The following DPYD variants were observed in gnomAD, a reference collection of about 807,000 sequenced individuals.
DPYD encodes dihydropyrimidine dehydrogenase.
A neutral mutation model predicts 116.2 loss-of-function variants in DPYD; 109 were observed. The ratio of observed to expected loss-of-function variants is 0.94; its 90% CI spans 0.80 to 1.10. DPYD has a LOEUF of 1.10. DPYD is among the 50% of genes least tolerant of loss of function. The probability of loss-of-function intolerance (pLI) is 0.00; values close to 1 mark genes in which losing one functional copy is unlikely to be tolerated. For synonymous variants in DPYD, 440 were observed against 432.0 expected (o/e 1.02, Z -0.23); for missense variants, 1,302 against 1,254.5 (o/e 1.04, Z -0.57).
intron 16 of DPYD, among the ~76,000 whole-genome samples, chr1:97,373,077 A>C (rs1671388098): frequency 6.6e-6 from 1 of 152,234 alleles, no homozygotes; most frequent in Admixed American, 6.5e-5. Flanking sequence ...GTATCCAAAA[A>C]TAAAAATAGC....
chr1:97,445,716 A>G (rs1438331551), intron 14 of DPYD, among the ~76,000 whole-genome samples: 1 of 138,394 alleles, frequency 7.2e-6, no homozygotes, highest in Non-Finnish European at 1.5e-5. Context: ...TAAATGTATA[A>G]ATTGTCTGAT....
At position 97,377,176 on chromosome 1, in the gene DPYD, A is replaced by AT. The variant is rs199763627; in HGVS notation, c.1975-3533dup. On this transcript the variant is annotated intron_variant, in intron 15 of 22. Coordinates refer to ENST00000370192, the MANE Select transcript of DPYD (RefSeq NM_000110.4). ...GCACAGAAGAGTTCTAGGGAGATGT[A>AT]TTTTTAAATGTTTCCAAGGCTAACA... Among the ~76,000 whole-genome samples, 1,300 of 152,108 alleles carry AT rather than the reference A, an allele frequency of 8.5e-3. 20 individuals are homozygous for AT. The highest frequency in any genetic ancestry group is 0.029 in the African/African-American group (1,221 of 41,522).
intron 16 of DPYD, among the ~76,000 whole-genome samples, chr1:97,333,516 G>GGTTTTTTTTTT (rs1669129675): frequency 9.4e-6 from 1 of 106,794 alleles, no homozygotes; most frequent in African/African-American, 4.1e-5. Flanking sequence ...TAAGTCTTAG[G>GGTTTTTTTTTT]ATTTTTTTTT....
At chr1:97,281,032 A>G (rs1665290639) in intron 18 of DPYD, among the ~76,000 whole-genome samples, 1 of 152,158 alleles carries the variant, frequency 6.6e-6, no homozygotes, top group Non-Finnish European at 1.5e-5. Flanking sequence ...TATAAATACA[A>G]CATTATTTTA....
intron 1 of DPYD, among the ~76,000 whole-genome samples, chr1:97,912,801 C>A (rs1046215149): frequency 6.6e-6 from 1 of 152,184 alleles, no homozygotes; most frequent in South Asian, 2.1e-4. Context: ...TGCCTTTCTT[C>A]TTTGAACTGT....
At chr1:97,464,603 G>T (rs1677207798) in intron 13 of DPYD, among the ~76,000 whole-genome samples, 1 of 152,216 alleles carries the variant, frequency 6.6e-6, no homozygotes, top group African/African-American at 2.4e-5. Flanking sequence ...CCAAGGAACA[G>T]CTCAGGCTGT....
rs141776434 is a variant in DPYD, at chr1:97,082,265, G to A, written c.2907+65C>T. 293 of 1,594,188 alleles carry A rather than the reference G, an allele frequency of 1.8e-4. 1 individual carries two copies. In the East Asian group the frequency reaches 4.5e-3, roughly 24 times the overall value. Reference sequence around the variant, plus strand: ...AATTTCACACATAGCAACAGAAAATGCTTTCTGCCGTAAAAACAAGAAGAA... The same window carrying A: ...AATTTCACACATAGCAACAGAAAATACTTTCTGCCGTAAAAACAAGAAGAA... On this transcript the variant is annotated intron_variant, in intron 22 of 22. Transcript: ENST00000370192.
chr1:97,546,691 T>C (rs1473073848), intron 12 of DPYD: 2 of 1,612,918 alleles, frequency 1.2e-6, no homozygotes, highest in Admixed American at 3.3e-5. Flanking sequence ...ATATCATGTG[T>C]GTACACTAAA....
chr1:97,778,493 C>A (rs1666549457), intron 3 of DPYD, among the ~76,000 whole-genome samples: 1 of 152,078 alleles, frequency 6.6e-6, no homozygotes, highest in Non-Finnish European at 1.5e-5. Flanking sequence ...AGCTTAAATT[C>A]TATTACTTCT....
intron 19 of DPYD, among the ~76,000 whole-genome samples, chr1:97,234,446 G>T (rs1310657231): frequency 6.6e-6 from 1 of 152,076 alleles, no homozygotes; most frequent in Admixed American, 6.6e-5. Flanking sequence ...TTCTTTGGCT[G>T]CCAGGAATCT....
chr1:97,432,145 T>C (rs1322234013), intron 14 of DPYD, among the ~76,000 whole-genome samples: 2 of 152,172 alleles, frequency 1.3e-5, no homozygotes, highest in Non-Finnish European at 2.9e-5. Flanking sequence ...ATATTGGCTA[T>C]TGTGAATAGT....
chr1:97,920,650 C>T (rs922358541), intron 1 of DPYD, among the ~76,000 whole-genome samples: 8 of 152,176 alleles, frequency 5.3e-5, no homozygotes, highest in African/African-American at 1.9e-4. Flanking sequence ...AAACAGGTCC[C>T]GACGCAAAGG....
intron 18 of DPYD, among the ~76,000 whole-genome samples, chr1:97,293,398 C>T (rs1666332894): frequency 6.6e-6 from 1 of 152,120 alleles, no homozygotes; most frequent in African/African-American, 2.4e-5. Context: ...TCCCATATAC[C>T]TGGATACCAG....
intron 14 of DPYD, among the ~76,000 whole-genome samples, chr1:97,433,389 A>T (rs1416612235): frequency 6.6e-6 from 1 of 152,106 alleles, no homozygotes; most frequent in African/African-American, 2.4e-5. Flanking sequence ...AGTTCTTTAC[A>T]ATTTTAACTG....
chr1:97,894,219 T>A (rs1414795587), intron 1 of DPYD, among the ~76,000 whole-genome samples: 2 of 151,796 alleles, frequency 1.3e-5, no homozygotes, highest in African/African-American at 4.8e-5. Flanking sequence ...AGGATGAGAA[T>A]GAGAGAAAGC....
At chr1:97,748,030 G>A (rs945767490) in intron 3 of DPYD, among the ~76,000 whole-genome samples, 3 of 152,048 alleles carry the variant, frequency 2.0e-5, no homozygotes, top group African/African-American at 7.2e-5. Context: ...CTTCTTTAAT[G>A]TGGAAGGAAT....
intron 1 of DPYD, among the ~76,000 whole-genome samples, chr1:97,920,302 T>C (rs1168231030): frequency 6.6e-6 from 1 of 152,132 alleles, no homozygotes. Flanking sequence ...ACAGTTAGTT[T>C]TTCTGAGGGC....
At chr1:97,641,638 A>G (rs942497341) in intron 8 of DPYD, among the ~76,000 whole-genome samples, 1 of 152,226 alleles carries the variant, frequency 6.6e-6, no homozygotes, top group Non-Finnish European at 1.5e-5. Context: ...CCTACAGTCA[A>G]TATCACACTG....
intron 2 of DPYD, among the ~76,000 whole-genome samples, chr1:97,866,778 A>G (rs1277635927): frequency 6.6e-6 from 1 of 151,954 alleles, no homozygotes; most frequent in Non-Finnish European, 1.5e-5. Flanking sequence ...CTGAGTAGCT[A>G]GCATGTGATG....
Sources: gnomAD v4.1 joint callset for allele counts (sites outside exome capture counted in the v4.1 genomes callset) on GRCh38, gnomAD v4.1.1 for gene constraint, MANE v1.5 for transcripts, NCBI Gene and HGNC (gene_info 2026-07-23, HGNC 2026-07-21) for gene names.